TNRC6C: variants seen among roughly 807,000 people sequenced by gnomAD.
TNRC6C encodes trinucleotide repeat containing adaptor 6C.
In TNRC6C, 20 loss-of-function variants were observed where a neutral mutation model predicts 153.7. The observed-to-expected ratio is 0.13, with a 90% CI of 0.09 to 0.19. The LOEUF (loss-of-function observed/expected upper bound fraction) is 0.19, where lower values mean the gene tolerates loss of function less well. Among genes scored for constraint, TNRC6C ranks in the 10% least tolerant of loss-of-function variants. TNRC6C has a pLI of 1.00. For synonymous variants in TNRC6C, 811 were observed against 841.4 expected (o/e 0.96, Z 0.63); for missense variants, 1,987 against 2,172.0 (o/e 0.91, Z 1.69).
At chr17:78,028,995 G>C (rs2072003124) in intron 1 of TNRC6C, among the ~76,000 whole-genome samples, 1 of 152,194 alleles carries the variant, frequency 6.6e-6, no homozygotes, top group South Asian at 2.1e-4. Flanking sequence ...ATGCTAATTA[G>C]TAAACCCTAT....
intron 1 of TNRC6C, among the ~76,000 whole-genome samples, chr17:77,972,772 A>G (rs1462599897): frequency 1.3e-5 from 2 of 152,240 alleles, no homozygotes; most frequent in African/African-American, 4.8e-5. Context: ...AATTCTGTCA[A>G]ACACATAGAA....
intron 7 of TNRC6C, among the ~76,000 whole-genome samples, chr17:78,074,525 G>A (rs1477649517): frequency 6.6e-6 from 1 of 152,184 alleles, no homozygotes; most frequent in African/African-American, 2.4e-5. Context: ...AATTCTAACT[G>A]TGGAGTAGGA....
At chr17:78,010,971 G>C (rs553994413) in intron 1 of TNRC6C, among the ~76,000 whole-genome samples, 1 of 152,150 alleles carries the variant, frequency 6.6e-6, no homozygotes, top group African/African-American at 2.4e-5. Context: ...GCTGTGCTCC[G>C]GGGGCGCCTC....
At chr17:78,011,154 A>C (rs2071621864) in intron 1 of TNRC6C, among the ~76,000 whole-genome samples, 1 of 152,258 alleles carries the variant, frequency 6.6e-6, no homozygotes, top group Non-Finnish European at 1.5e-5. Context: ...TTGTTTACCC[A>C]GACCAGTTTC....
intron 1 of TNRC6C, among the ~76,000 whole-genome samples, chr17:78,005,394 A>G (rs998215798): frequency 1.3e-5 from 2 of 152,196 alleles, no homozygotes; most frequent in Non-Finnish European, 2.9e-5. Flanking sequence ...AAGAACAACC[A>G]AAGGATATCT....
intron 19 of TNRC6C, 145 bp downstream of exon 22, chr17:78,103,698 C>G (rs1480841947): frequency 8.2e-7 from 1 of 1,217,754 alleles, no homozygotes; most frequent in Non-Finnish European, 1.1e-6. Context: ...GGCTGGAAGT[C>G]TGATACCCAA....
intron 1 of TNRC6C, among the ~76,000 whole-genome samples, chr17:77,969,410 C>T (rs1228777834): frequency 6.6e-6 from 1 of 152,056 alleles, no homozygotes; most frequent in Non-Finnish European, 1.5e-5. Flanking sequence ...CCACCATGCC[C>T]AGCTAATTTT....
chr17:77,967,736 T>G lies in TNRC6C; in HGVS notation c.-38+8468T>G, dbSNP rs145840629. Among the ~76,000 whole-genome samples, 138 of 152,328 alleles carry G rather than the reference T, an allele frequency of 9.1e-4. 1 individual carries two copies. Among genetic ancestry groups the G allele is most frequent in the African/African-American group, 3.2e-3 (135 of 41,560 alleles). ...TATGATAGATCAATTACAAGGTAAT[T>G]CCTGGCTTGTCTTTCACAGATTTGA... On this transcript the variant is annotated intron_variant, in intron 1 of 22. Transcript: ENST00000636222.
chr17:77,978,967 C>T lies in TNRC6C; in HGVS notation c.-38+19699C>T, dbSNP rs146075053. On this transcript the variant is annotated intron_variant, in intron 1 of 22. Coordinates refer to the TNRC6C transcript ENST00000636222. ...GGAAGGTAACATTCACAGCCTCAGC[C>T]TATCTCCACAGTTTTGTGCATGCAA... Among the ~76,000 whole-genome samples, 1,409 of 152,306 alleles carry T rather than the reference C, an allele frequency of 9.3e-3. 13 individuals carry two copies. Among genetic ancestry groups the T allele is most frequent in the South Asian group, 0.037 (180 of 4,830 alleles).
chr17:78,046,380 G>T (rs2072410821), intron 2 of TNRC6C, among the ~76,000 whole-genome samples: 1 of 152,028 alleles, frequency 6.6e-6, no homozygotes, highest in South Asian at 2.1e-4. Flanking sequence ...GTTTCACCAT[G>T]TTGGCCAGGC....
intron 11 of TNRC6C, among the ~76,000 whole-genome samples, chr17:78,084,794 A>G (rs1395840719): frequency 6.6e-6 from 1 of 151,748 alleles, no homozygotes; most frequent in Non-Finnish European, 1.5e-5. Context: ...ACGCCCAGCT[A>G]ATTTTTGTAT....
intron 13 of TNRC6C, among the ~76,000 whole-genome samples, chr17:78,090,847 GA>G (rs1476099348): frequency 2.6e-5 from 4 of 152,140 alleles, no homozygotes; most frequent in Non-Finnish European, 5.9e-5. Flanking sequence ...TTTTGTAAAG[GA>G]AACTCACTAA....
chr17:78,001,729 G>A (rs555533575), upstream of TNRC6C, among the ~76,000 whole-genome samples: 5 of 152,112 alleles, frequency 3.3e-5, no homozygotes, highest in South Asian at 2.1e-4. Flanking sequence ...ACAGTTACAC[G>A]AGCAGGGACA....
intron 3 of TNRC6C, among the ~76,000 whole-genome samples, chr17:78,063,808 G>C (rs777334393): frequency 6.6e-6 from 1 of 152,058 alleles, no homozygotes. Flanking sequence ...ATGGTCAAAA[G>C]ATAAACAAGA....
chr17:77,970,657 G>T lies in TNRC6C; in HGVS notation c.-38+11389G>T, dbSNP rs1012542059. On this transcript the variant is annotated intron_variant, in intron 1 of 22. Coordinates refer to the TNRC6C transcript ENST00000636222. The stretch of plus-strand genomic sequence containing the variant: ...ACTTTCTTAAAATACTATGAGATTT[G>T]TGTGTGTGTGTGTGTATGTGTGTGT... 2.0e-5 allele frequency among the ~76,000 whole-genome samples: 3 copies of T among 150,786 alleles called. No homozygotes were observed. In the South Asian group the frequency reaches 6.3e-4, roughly 31 times the overall value.
At chr17:78,084,603 T>TTTTTTC (rs905792897) in intron 11 of TNRC6C, among the ~76,000 whole-genome samples, 15 of 150,206 alleles carry the variant, frequency 1.0e-4, no homozygotes, top group Non-Finnish European at 1.5e-4. Context: ...TCAGAGACTG[T>TTTTTTC]TTTTTCTTTT....
chr17:78,042,913 A>T (rs2072329168), intron 2 of TNRC6C, among the ~76,000 whole-genome samples: 1 of 152,182 alleles, frequency 6.6e-6, no homozygotes, highest in Non-Finnish European at 1.5e-5. Flanking sequence ...TAATTAGCTC[A>T]GTATGCAATA....
chr17:78,047,000 A>G (rs191167699), intron 2 of TNRC6C, among the ~76,000 whole-genome samples: 19 of 151,810 alleles, frequency 1.3e-4, no homozygotes, highest in African/African-American at 2.7e-4. Context: ...GGCACCTCAC[A>G]TATGGAAAAG....
chr17:78,001,395 G>C (rs1269382392), upstream of TNRC6C, among the ~76,000 whole-genome samples: 2 of 152,114 alleles, frequency 1.3e-5, no homozygotes, highest in Non-Finnish European at 2.9e-5. Flanking sequence ...CCAATCGAAG[G>C]GATGCTTTTC....
Sources: gnomAD v4.1 joint callset for allele counts (sites outside exome capture counted in the v4.1 genomes callset) on GRCh38, gnomAD v4.1.1 for gene constraint, MANE v1.5 for transcripts, NCBI Gene and HGNC (gene_info 2026-07-23, HGNC 2026-07-21) for gene names.